Variants in PTPN2 observed in about 807,000 individuals in gnomAD.
PTPN2 encodes the protein protein tyrosine phosphatase non-receptor type 2, also known as tyrosine-protein phosphatase non-receptor type 2.
In PTPN2, 19 loss-of-function variants were observed where a neutral mutation model predicts 57.3. The observed-to-expected ratio is 0.33, with a 90% CI of 0.23 to 0.49. The LOEUF is 0.49. Among genes scored for constraint, PTPN2 ranks in the 20% least tolerant of loss-of-function variants. The pLI is 0.99. For missense variants in PTPN2, 358 were observed against 501.1 expected, an observed-to-expected ratio of 0.71 and a Z score of 2.73; for synonymous variants, 153 against 164.9, an observed-to-expected ratio of 0.93 and a Z score of 0.55.
intron 4 of PTPN2, among the ~76,000 whole-genome samples, chr18:12,827,228 A>G (rs2042500312): frequency 2.6e-5 from 4 of 151,848 alleles, no homozygotes. Flanking sequence ...CTGTAGCCTC[A>G]GCTATTTGGG....
At chr18:12,815,783 T>TCTTCCAAGAGTATCACTC (rs1272836460) in intron 6 of PTPN2, among the ~76,000 whole-genome samples, 3 of 152,184 alleles carry the variant, frequency 2.0e-5, no homozygotes, top group Admixed American at 2.0e-4. Context: ...TCTGAAATGT[T>TCTTCCAAGAGTATCACTC]CTTCCAAGAG....
intron 7 of PTPN2, among the ~76,000 whole-genome samples, chr18:12,803,367 T>C (rs1260989162): frequency 6.6e-6 from 1 of 152,082 alleles, no homozygotes; most frequent in African/African-American, 2.4e-5. Flanking sequence ...ATTAACAAAA[T>C]GGCAGGTGTA....
intron 1 of PTPN2, among the ~76,000 whole-genome samples, chr18:12,870,926 AAAGTT>A (rs1437490425): frequency 6.6e-6 from 1 of 152,164 alleles, no homozygotes; most frequent in Admixed American, 6.5e-5. Flanking sequence ...ATATAGTGAA[AAAGTT>A]AAGTCACATT....
chr18:12,789,607 C>T (rs1405278523), downstream of PTPN2, among the ~76,000 whole-genome samples: 1 of 152,164 alleles, frequency 6.6e-6, no homozygotes, highest in Non-Finnish European at 1.5e-5. Context: ...CAGACATCTC[C>T]CCTGCAGGGT....
intron 5 of PTPN2, among the ~76,000 whole-genome samples, chr18:12,821,713 T>C (rs1317429011): frequency 6.6e-6 from 1 of 152,122 alleles, no homozygotes; most frequent in Admixed American, 6.5e-5. Context: ...GAGAAGTCTG[T>C]CTGTTAGCAC....
rs2043250295 is a variant in PTPN2 at position 12,847,484 on chromosome 18, C to T, written c.161-10593G>A. On this transcript the variant is annotated intron_variant, in intron 2 of 8. Coordinates refer to ENST00000309660, the MANE Select transcript of PTPN2 (RefSeq NM_002828.4). The stretch of plus-strand genomic sequence containing the variant: ...CTGTTTAGGTTTTCTCTTTCCCTGT[C>T]TAATCAATGCTAGCTTCTTCTCTAA... Among the ~76,000 whole-genome samples, 4 of 152,146 alleles carry T rather than the reference C, an allele frequency of 2.6e-5. No individual in the cohort carries two copies. The South Asian group carries it at 8.3e-4, about 32-fold the overall frequency.
downstream of PTPN2, among the ~76,000 whole-genome samples, chr18:12,790,091 C>A (rs2040945879): frequency 6.6e-6 from 1 of 151,992 alleles, no homozygotes; most frequent in South Asian, 2.1e-4. Flanking sequence ...TGCCAACATA[C>A]CCAGCTAAAT....
At chr18:12,834,557 G>T (rs1463195195) in intron 3 of PTPN2, among the ~76,000 whole-genome samples, 3 of 152,054 alleles carry the variant, frequency 2.0e-5, no homozygotes, top group Non-Finnish European at 2.9e-5. Flanking sequence ...TTTAAACAAT[G>T]CCTGCCACAG....
intron 7 of PTPN2, among the ~76,000 whole-genome samples, chr18:12,810,041 G>C (rs2145286733): frequency 6.6e-6 from 1 of 152,240 alleles, no homozygotes; most frequent in South Asian, 2.1e-4. Context: ...AATTAGCTGG[G>C]TGTGGTGGCA....
At chr18:12,823,897 ATC>A (rs2042356629) in intron 5 of PTPN2, among the ~76,000 whole-genome samples, 1 of 152,200 alleles carries the variant, frequency 6.6e-6, no homozygotes, top group Non-Finnish European at 1.5e-5. Context: ...AAACACAAAA[ATC>A]ATTCTATTTT....
At chr18:12,800,060 G>A (rs1398812424) in intron 8 of PTPN2, among the ~76,000 whole-genome samples, 1 of 152,154 alleles carries the variant, frequency 6.6e-6, no homozygotes, top group South Asian at 2.1e-4. Context: ...AAGGAAAAAA[G>A]GGAAAGAAGA....
chr18:12,857,654 G>A (rs1262100373), intron 2 of PTPN2, among the ~76,000 whole-genome samples: 1 of 152,150 alleles, frequency 6.6e-6, no homozygotes, highest in African/African-American at 2.4e-5. Context: ...GGAGGCAGGG[G>A]AAGGGCACCT....
At position 12,812,463 on chromosome 18, in the gene PTPN2, G is replaced by A. The variant is rs910101583; in HGVS notation, c.858+1740C>T. 2.6e-5 allele frequency among the ~76,000 whole-genome samples: 4 copies of A among 152,130 alleles called. No homozygotes were observed. In the South Asian group the frequency reaches 6.2e-4, roughly 24 times the overall value. On this transcript the variant is annotated intron_variant, in intron 7 of 8. Transcript: ENST00000309660. ...AAAAATGCAAAATTAGCCAGGAGTG[G>A]TGGCAGGCACCTGTAATCCCAACTA...
intron 5 of PTPN2, chr18:12,819,180 A>G: frequency 9.7e-7 from 1 of 1,027,318 alleles, no homozygotes; most frequent in Non-Finnish European, 1.4e-6. Flanking sequence ...TACTAATAAA[A>G]TACAGTGAAA....
intron 2 of PTPN2, among the ~76,000 whole-genome samples, chr18:12,842,013 T>C (rs1376842460): frequency 6.6e-6 from 1 of 152,096 alleles, no homozygotes; most frequent in Non-Finnish European, 1.5e-5. Flanking sequence ...TTCAAGCAAT[T>C]CTCCTGCCTC....
At chr18:12,802,918 A>G (rs762101396) in intron 7 of PTPN2, among the ~76,000 whole-genome samples, 2 of 152,238 alleles carry the variant, frequency 1.3e-5, no homozygotes, top group Non-Finnish European at 2.9e-5. Flanking sequence ...ATATGAAAAT[A>G]TAATCTCACT....
chr18:12,795,442 C>T (rs1308146054), intron 8 of PTPN2, among the ~76,000 whole-genome samples: 1 of 152,116 alleles, frequency 6.6e-6, no homozygotes, highest in Admixed American at 6.6e-5. Flanking sequence ...TACAGACGTG[C>T]ACCACCACGC....
intron 2 of PTPN2, among the ~76,000 whole-genome samples, chr18:12,843,321 TAATACCCTA>T (rs2043107566): frequency 6.6e-6 from 1 of 152,186 alleles, no homozygotes; most frequent in Non-Finnish European, 1.5e-5. Context: ...AAACCCTCCT[TAATACCCTA>T]AGAGGGTATT....
At chr18:12,816,030 G>A (rs768979655) in intron 6 of PTPN2, among the ~76,000 whole-genome samples, 3 of 152,298 alleles carry the variant, frequency 2.0e-5, no homozygotes, top group African/African-American at 2.4e-5. Flanking sequence ...TGTGTCAAGC[G>A]TGGTGGCTCA....
Sources: allele counts gnomAD v4.1 joint callset (sites outside exome capture counted in the v4.1 genomes callset), GRCh38; gene constraint gnomAD v4.1.1; transcripts MANE v1.5; gene names NCBI Gene and HGNC (gene_info 2026-07-23, HGNC 2026-07-21).